Variants in MOB3B observed in about 807,000 individuals in gnomAD.
MOB3B encodes MOB kinase activator-like 2B.
MOB3B carries 7 observed loss-of-function variants against 18.7 expected under a neutral mutation model. The ratio of observed to expected loss-of-function variants is 0.37; its 90% CI spans 0.21 to 0.70. MOB3B has a LOEUF of 0.70. Among genes scored for constraint, MOB3B ranks in the 30% least tolerant of loss-of-function variants. The pLI is 0.52. For missense variants in MOB3B, 253 were observed against 281.3 expected, an observed-to-expected ratio of 0.90 and a Z score of 0.72; for synonymous variants, 111 against 99.9, an observed-to-expected ratio of 1.11 and a Z score of -0.66.
At chr9:27,411,063 T>A (rs1822058366) in intron 2 of MOB3B, among the ~76,000 whole-genome samples, 1 of 152,206 alleles carries the variant, frequency 6.6e-6, no homozygotes, top group Admixed American at 6.5e-5. Flanking sequence ...GAGGCAATGA[T>A]CTTGTTCATA....
At chr9:27,470,526 A>C (rs368211144) in intron 1 of MOB3B, among the ~76,000 whole-genome samples, 2 of 152,146 alleles carry the variant, frequency 1.3e-5, no homozygotes, top group East Asian at 3.9e-4. Context: ...GCTGTTAGGA[A>C]GTGACTCTTG....
intron 2 of MOB3B, among the ~76,000 whole-genome samples, chr9:27,369,510 C>A (rs7025359): frequency 6.6e-6 from 1 of 152,214 alleles, no homozygotes; most frequent in Admixed American, 6.5e-5. Context: ...CTTCCCAATA[C>A]GCAAATCTAA....
At chr9:27,488,068 A>G (rs1474789169) in intron 1 of MOB3B, among the ~76,000 whole-genome samples, 1 of 152,162 alleles carries the variant, frequency 6.6e-6, no homozygotes, top group African/African-American at 2.4e-5. Context: ...GACCATCATG[A>G]TGATTATTTA....
At chr9:27,483,297 TA>T (rs1236649045) in intron 1 of MOB3B, among the ~76,000 whole-genome samples, 2 of 151,930 alleles carry the variant, frequency 1.3e-5, no homozygotes, top group Non-Finnish European at 2.9e-5. Context: ...CACACCTGGC[TA>T]ATTTTTTGTA....
In MOB3B at chr9:27,522,726, C is replaced by T. The variant is rs188662735; in HGVS notation, c.-199+6829G>A. Among the ~76,000 whole-genome samples, 18 of 151,990 alleles carry T rather than the reference C, an allele frequency of 1.2e-4. No homozygotes were observed. The East Asian group carries it at 2.3e-3, about 20-fold the overall frequency. On this transcript the variant is annotated intron_variant, in intron 1 of 3. Transcript: ENST00000262244. ...GGGAATCAGTTCCTAGAGGATCAATCGCTGAGTCAAATATTATGTACATTT... is the reference window on the plus strand; with the variant it reads ...GGGAATCAGTTCCTAGAGGATCAATTGCTGAGTCAAATATTATGTACATTT...
At chr9:27,374,162 C>T (rs1449851035) in intron 2 of MOB3B, among the ~76,000 whole-genome samples, 2 of 152,040 alleles carry the variant, frequency 1.3e-5, no homozygotes, top group African/African-American at 4.8e-5. Context: ...CTCAGGGCTG[C>T]CCAATTCATG....
intron 2 of MOB3B, among the ~76,000 whole-genome samples, chr9:27,416,544 A>ATTTT (rs559806304): frequency 0.041 from 5,004 of 120,656 alleles, 634 homozygotes; most frequent in East Asian, 0.37. Flanking sequence ...TTTCTTTTTA[A>ATTTT]TTTTTTTTTT....
intron 1 of MOB3B, among the ~76,000 whole-genome samples, chr9:27,498,063 G>A (rs1401475245): frequency 6.6e-6 from 1 of 152,140 alleles, no homozygotes; most frequent in East Asian, 1.9e-4. Flanking sequence ...TTTGACAGCT[G>A]CCAACTCCCC....
chr9:27,403,778 C>T (rs1428553244), intron 2 of MOB3B, among the ~76,000 whole-genome samples: 1 of 151,672 alleles, frequency 6.6e-6, no homozygotes, highest in Non-Finnish European at 1.5e-5. Context: ...TATGCCTGGC[C>T]TCTTTATTAA....
intron 2 of MOB3B, among the ~76,000 whole-genome samples, chr9:27,359,847 C>T (rs376953761): frequency 2.6e-5 from 4 of 152,322 alleles, no homozygotes; most frequent in Middle Eastern, 3.4e-3. Flanking sequence ...CCACTACTCC[C>T]AGCTCAGTAA....
intron 3 of MOB3B, among the ~76,000 whole-genome samples, chr9:27,353,207 T>G (rs1228614153): frequency 6.6e-6 from 1 of 152,222 alleles, no homozygotes; most frequent in Non-Finnish European, 1.5e-5. Context: ...CGATATCATC[T>G]GGGAGCAAAA....
chr9:27,388,593 G>T (rs953340721), intron 2 of MOB3B, among the ~76,000 whole-genome samples: 12 of 151,956 alleles, frequency 7.9e-5, no homozygotes, highest in African/African-American at 2.9e-4. Flanking sequence ...CCCAAGGTGT[G>T]GTCTTTTATA....
intron 2 of MOB3B, among the ~76,000 whole-genome samples, chr9:27,420,537 TCTGTATATTCC>T (rs1822228022): frequency 8.1e-6 from 1 of 123,790 alleles, no homozygotes; most frequent in African/African-American, 3.1e-5. Context: ...ATATATTCCA[TCTGTATATTCC>T]ATATATATAT....
At chr9:27,390,524 A>C (rs1821713755) in intron 2 of MOB3B, among the ~76,000 whole-genome samples, 2 of 152,166 alleles carry the variant, frequency 1.3e-5, no homozygotes, top group South Asian at 4.1e-4. Flanking sequence ...TTATTTATGT[A>C]CCAGACACTG....
intron 2 of MOB3B, among the ~76,000 whole-genome samples, chr9:27,385,196 G>A (rs533700765): frequency 6.6e-6 from 1 of 152,122 alleles, no homozygotes; most frequent in African/African-American, 2.4e-5. Context: ...TCCTCTGTAG[G>A]GTTTAACATA....
intron 1 of MOB3B, among the ~76,000 whole-genome samples, chr9:27,520,735 C>T (rs1820311167): frequency 6.6e-6 from 1 of 151,992 alleles, no homozygotes; most frequent in Admixed American, 6.5e-5. Context: ...TCAAATGTAA[C>T]TCTGCAGGAG....
intron 3 of MOB3B, among the ~76,000 whole-genome samples, chr9:27,351,932 T>C (rs1039894062): frequency 5.3e-5 from 8 of 152,158 alleles, no homozygotes; most frequent in African/African-American, 1.9e-4. Context: ...TAGAGGATAG[T>C]TTTGGTGGTA....
intron 1 of MOB3B, chr9:27,526,182 C>T (rs1820434103): frequency 6.6e-6 from 1 of 152,128 alleles, no homozygotes. Context: ...AGCGCAGGGC[C>T]CAAATGTTAT....
At chr9:27,523,486 A>G (rs997768979) in intron 1 of MOB3B, among the ~76,000 whole-genome samples, 1 of 152,116 alleles carries the variant, frequency 6.6e-6, no homozygotes. Flanking sequence ...AGAAAAGAAA[A>G]GAAAAGAAAA....
Sources: allele counts gnomAD v4.1 joint callset (sites outside exome capture counted in the v4.1 genomes callset), GRCh38; gene constraint gnomAD v4.1.1; transcripts MANE v1.5; gene names NCBI Gene and HGNC (gene_info 2026-07-23, HGNC 2026-07-21).